The following SLC14A2 variants were observed in gnomAD, a reference collection of about 807,000 sequenced individuals.
The protein encoded by SLC14A2 is urea transporter 2.
SLC14A2 carries 91 observed loss-of-function variants against 104.6 expected under a neutral mutation model. The ratio of observed to expected loss-of-function variants is 0.87; its 90% CI spans 0.73 to 1.04. SLC14A2 has a LOEUF of 1.04. SLC14A2 is among the 50% of genes least tolerant of loss of function. The pLI is 0.00. For synonymous variants in SLC14A2, 476 were observed against 466.4 expected, an observed-to-expected ratio of 1.02 and a Z score of -0.27; for missense variants, 1,189 against 1,156.0, an observed-to-expected ratio of 1.03 and a Z score of -0.41.
chr18:45,477,193 T>C (rs2087397938), intron 1 of SLC14A2, among the ~76,000 whole-genome samples: 1 of 152,204 alleles, frequency 6.6e-6, no homozygotes, highest in South Asian at 2.1e-4. Flanking sequence ...TTGATGATGA[T>C]GCTATTCCTT....
chr18:45,226,496 A>G (rs886903546), intron 1 of SLC14A2, among the ~76,000 whole-genome samples: 7 of 152,160 alleles, frequency 4.6e-5, no homozygotes, highest in African/African-American at 1.7e-4. Flanking sequence ...GCCATAAAAA[A>G]GGATGAGTTC....
intron 1 of SLC14A2, among the ~76,000 whole-genome samples, chr18:45,434,825 G>T (rs2086571198): frequency 6.6e-6 from 1 of 152,136 alleles, no homozygotes; most frequent in African/African-American, 2.4e-5. Flanking sequence ...GAAGCAAATT[G>T]CCACCTACTT....
chr18:45,426,975 T>C (rs1031807747), intron 1 of SLC14A2, among the ~76,000 whole-genome samples: 1 of 152,146 alleles, frequency 6.6e-6, no homozygotes, highest in Non-Finnish European at 1.5e-5. Flanking sequence ...CCTCTTCAGA[T>C]GCCAATTTTT....
At chr18:45,484,789 T>C (rs2087567690) in intron 2 of SLC14A2, among the ~76,000 whole-genome samples, 1 of 152,178 alleles carries the variant, frequency 6.6e-6, no homozygotes. Context: ...GGTTTTTCTT[T>C]TTTTGAGTGT....
At chr18:45,417,709 C>G (rs768832997) in intron 1 of SLC14A2, among the ~76,000 whole-genome samples, 31 of 152,252 alleles carry the variant, frequency 2.0e-4, no homozygotes, top group Non-Finnish European at 2.8e-4. Flanking sequence ...ACCATATCAC[C>G]TTTTATCATC....
In SLC14A2 at chr18:45,641,208, G is replaced by T; in HGVS notation, c.992-1G>T. On this transcript the variant is annotated splice_acceptor_variant, in intron 7 of 19. Coordinates refer to ENST00000255226, the MANE Select transcript of SLC14A2 (RefSeq NM_007163.4). LOFTEE classifies it high-confidence loss of function. ...CAGAAATACCACACCTTGTCCCATA[G>T]CCCTGTCAGTGGCCACACCCTTCGA... 1 of 1,613,986 alleles carries T rather than the reference G, an allele frequency of 6.2e-7. No homozygotes were observed.
intron 2 of SLC14A2, among the ~76,000 whole-genome samples, chr18:45,574,760 C>G (rs1358423576): frequency 6.6e-6 from 1 of 152,200 alleles, no homozygotes; most frequent in Non-Finnish European, 1.5e-5. Flanking sequence ...TTCAAATTCT[C>G]AGAATTCTCA....
At chr18:45,585,954 A>C (rs190012305) in intron 2 of SLC14A2, among the ~76,000 whole-genome samples, 5 of 152,232 alleles carry the variant, frequency 3.3e-5, no homozygotes, top group African/African-American at 4.8e-5. Context: ...GTAAGGCTTT[A>C]TTCACATACT....
At chr18:45,449,194 TTGTC>T (rs1431121360) in intron 1 of SLC14A2, among the ~76,000 whole-genome samples, 1 of 152,308 alleles carries the variant, frequency 6.6e-6, no homozygotes, top group East Asian at 1.9e-4. Flanking sequence ...TTTGAGTCCT[TTGTC>T]TGGACAGTTC....
chr18:45,342,682 G>A (rs1450017230), intron 1 of SLC14A2, among the ~76,000 whole-genome samples: 1 of 152,188 alleles, frequency 6.6e-6, no homozygotes, highest in Non-Finnish European at 1.5e-5. Context: ...TGATGACTAG[G>A]ATGGAGAAAT....
chr18:45,220,096 C>A (rs559904779), intron 1 of SLC14A2, among the ~76,000 whole-genome samples: 2 of 132,548 alleles, frequency 1.5e-5, no homozygotes, highest in African/African-American at 5.7e-5. Context: ...TGAGTGTCCA[C>A]CTTAGACTTA....
At chr18:45,672,620 A>T (rs534782104) in intron 16 of SLC14A2, among the ~76,000 whole-genome samples, 2 of 152,306 alleles carry the variant, frequency 1.3e-5, no homozygotes, top group Non-Finnish European at 2.9e-5. Flanking sequence ...CCTACCTTGA[A>T]AGGTTTTCAG....
intron 1 of SLC14A2, among the ~76,000 whole-genome samples, chr18:45,264,407 T>C (rs1431792939): frequency 6.6e-6 from 1 of 152,202 alleles, no homozygotes; most frequent in Non-Finnish European, 1.5e-5. Flanking sequence ...CATACTCTTT[T>C]GAGAAATAAA....
chr18:45,659,547 G>A (rs2045900351), intron 10 of SLC14A2, among the ~76,000 whole-genome samples: 1 of 152,118 alleles, frequency 6.6e-6, no homozygotes, highest in Non-Finnish European at 1.5e-5. Context: ...TACTCTTTCA[G>A]AGCTCCTGTG....
chr18:45,224,569 G>A (rs1034344365), intron 1 of SLC14A2, among the ~76,000 whole-genome samples: 2 of 151,942 alleles, frequency 1.3e-5, no homozygotes, highest in Non-Finnish European at 2.9e-5. Flanking sequence ...AATGAGTGCT[G>A]CAGGATGATA....
At chr18:45,675,709 A>ATATATATATATATATTTTT (rs57989993) in intron 18 of SLC14A2, among the ~76,000 whole-genome samples, 1 of 78,396 alleles carries the variant, frequency 1.3e-5, no homozygotes, top group African/African-American at 4.9e-5. Flanking sequence ...ATATATATAT[A>ATATATATATATATATTTTT]TTTTTTTTTT....
At chr18:45,656,264 A>T (rs2144601719) in intron 10 of SLC14A2, among the ~76,000 whole-genome samples, 1 of 152,344 alleles carries the variant, frequency 6.6e-6, no homozygotes, top group South Asian at 2.1e-4. Context: ...TAGAACACAA[A>T]CCAGACCTTG....
At chr18:45,264,482 C>T (rs779223938) in intron 1 of SLC14A2, among the ~76,000 whole-genome samples, 10 of 151,754 alleles carry the variant, frequency 6.6e-5, no homozygotes, top group Non-Finnish European at 1.3e-4. Flanking sequence ...TGTATTAGTC[C>T]GTTTTTTTTG....
intron 1 of SLC14A2, among the ~76,000 whole-genome samples, chr18:45,252,792 C>CTTTTTTTTTTTT (rs745363624): frequency 7.9e-6 from 1 of 126,960 alleles, no homozygotes; most frequent in Admixed American, 8.0e-5. Context: ...GCAATATTGA[C>CTTTTTTTTTTTT]TTTTTTTTTT....
Sources: allele counts gnomAD v4.1 joint callset (sites outside exome capture counted in the v4.1 genomes callset), GRCh38; gene constraint gnomAD v4.1.1; transcripts MANE v1.5; gene names NCBI Gene and HGNC (gene_info 2026-07-23, HGNC 2026-07-21).